NDNF: variants seen among roughly 807,000 people sequenced by gnomAD.
The protein encoded by NDNF is neuron derived neurotrophic factor, also known as protein NDNF.
NDNF carries 16 observed loss-of-function variants against 42.0 expected under a neutral mutation model. The ratio of observed to expected loss-of-function variants is 0.38; its 90% confidence interval spans 0.26 to 0.58. The LOEUF is 0.58. Among genes scored for constraint, NDNF ranks in the 20% least tolerant of loss-of-function variants. The probability of loss-of-function intolerance (pLI) is 0.67; values close to 1 mark genes in which losing one functional copy is unlikely to be tolerated. For missense variants in NDNF, 616 were observed against 666.2 expected, an observed-to-expected ratio of 0.92 and a Z score of 0.83; for synonymous variants, 248 against 251.7, an observed-to-expected ratio of 0.99 and a Z score of 0.14.
Position 121,037,579 on chromosome 4 carries a change from T to A in NDNF, c.392A>T (p.Asn131Ile), listed in dbSNP as rs373846047. Residue 131 changes from asparagine (N) to isoleucine (I), a missense_variant, in exon 4 of 4, where the codon AAT (asparagine) becomes ATT (isoleucine). Transcript: ENST00000379692. The stretch of plus-strand genomic sequence containing the variant: ...AGACGATATAAAATACTCAACATCA[T>A]TGCCTTTGTAGGAGAATAACTCAGT... ...EGTELFSYKG[N>I]DVEYFISSSS... The A allele has an allele frequency of 1.2e-6, 2 of 1,612,742 alleles. No individual in the cohort carries two copies. The highest frequency in any genetic ancestry group is 1.7e-6 in the Non-Finnish European group (2 of 1,179,792).
At chr4:121,041,450 C>A (rs566918325) in intron 2 of NDNF, among the ~76,000 whole-genome samples, 1 of 152,182 alleles carries the variant, frequency 6.6e-6, no homozygotes, top group African/African-American at 2.4e-5. Context: ...TTCCTTCTCA[C>A]CTCCCTGAAC....
chr4:121,056,692 A>C (rs1457178616), intron 1 of NDNF, among the ~76,000 whole-genome samples: 1 of 152,220 alleles, frequency 6.6e-6, no homozygotes, highest in Non-Finnish European at 1.5e-5. Context: ...TTCAACATTC[A>C]AAAGGTGTTT....
chr4:121,044,982 G>A (rs908115188), intron 2 of NDNF, among the ~76,000 whole-genome samples: 1 of 152,148 alleles, frequency 6.6e-6, no homozygotes, highest in Non-Finnish European at 1.5e-5. Flanking sequence ...AAAACTTAAT[G>A]CAAACTCTTG....
chr4:121,056,462 G>A (rs1727298268), intron 1 of NDNF, among the ~76,000 whole-genome samples: 1 of 152,184 alleles, frequency 6.6e-6, no homozygotes, highest in Admixed American at 6.5e-5. Context: ...ACTAAATACT[G>A]ATGGATCAAA....
Position 121,067,898 on chromosome 4 carries a change from G to A in NDNF, c.-2+4095C>T, listed in dbSNP as rs1727527800. 3.3e-5 allele frequency among the ~76,000 whole-genome samples: 5 copies of A among 152,262 alleles called. No homozygotes were observed. In the Middle Eastern group the frequency reaches 0.01, roughly 311 times the overall value. Reference sequence around the variant, plus strand: ...GAAAGGTGTGGATATTGCTTCTTTGGGTTGTGTGTTTAGGAAGGAAGCAGC... The same window carrying A: ...GAAAGGTGTGGATATTGCTTCTTTGAGTTGTGTGTTTAGGAAGGAAGCAGC... On this transcript the variant is annotated intron_variant, in intron 1 of 3. Coordinates refer to ENST00000379692, the MANE Select transcript of NDNF (RefSeq NM_024574.4).
chr4:121,037,440 G>A lies in NDNF; in HGVS notation c.531C>T (p.Pro177=). Residue 177 remains proline (P), a synonymous_variant, in exon 4 of 4, where the codon CCC becomes CCT. Transcript: ENST00000379692. Reference sequence around the variant, plus strand: ...AGGTCACATCTACTCTTGGGTCATAGGGTAACTCAGGGTATGGCTGATCAG... The same window carrying A: ...AGGTCACATCTACTCTTGGGTCATAAGGTAACTCAGGGTATGGCTGATCAG... ...PESDQPYPEL[P]YDPRVDVTSL... 6.2e-7 allele frequency: 1 copy of A among 1,614,124 alleles called. No individual in the cohort carries two copies. The highest frequency in any genetic ancestry group is 2.2e-5 in the East Asian group (1 of 44,878).
intron 1 of NDNF, among the ~76,000 whole-genome samples, chr4:121,046,600 T>C (rs1419123511): frequency 6.6e-6 from 1 of 152,228 alleles, no homozygotes; most frequent in Non-Finnish European, 1.5e-5. Flanking sequence ...TACACCTCTA[T>C]CATTTTAGAA....
intron 2 of NDNF, among the ~76,000 whole-genome samples, chr4:121,043,562 ATGT>A (rs1727040299): frequency 6.6e-6 from 1 of 152,196 alleles, no homozygotes; most frequent in Non-Finnish European, 1.5e-5. Context: ...AAAAGAGAAA[ATGT>A]TGTTTTATAA....
intron 1 of NDNF, among the ~76,000 whole-genome samples, chr4:121,068,907 A>G (rs1490234904): frequency 3.3e-5 from 5 of 152,252 alleles, no homozygotes; most frequent in African/African-American, 9.6e-5. Context: ...TACCAAAATG[A>G]TAAGTCCTAA....
Position 121,036,239 on chromosome 4 carries a change from A to G in NDNF, c.*25T>C. ...TTTAATGTCCCTCCTGGAGTTCTAC[A>G]TAATATATCTCTATAAGAAGGTAAC... is the stretch of plus-strand genomic sequence containing the variant. On this transcript the variant is annotated 3_prime_UTR_variant, in exon 4 of 4. Coordinates refer to ENST00000379692, the MANE Select transcript of NDNF (RefSeq NM_024574.4). The G allele has an allele frequency of 6.5e-7, 1 of 1,542,542 alleles. No individual in the cohort carries two copies. The highest frequency in any genetic ancestry group is 8.7e-7 in the Non-Finnish European group (1 of 1,144,204).
chr4:121,036,712 C>A lies in NDNF; in HGVS notation c.1259G>T (p.Arg420Leu), dbSNP rs201892645. ...TGCTCCTTTCTTGTTTCCTTTCAGTCGAACGAGGTATTTAGCTTTAGGTTT... is the reference window on the plus strand; with the variant it reads ...TGCTCCTTTCTTGTTTCCTTTCAGTAGAACGAGGTATTTAGCTTTAGGTTT... ...RGKPKAKYLV[R>L]LKGNKKGASM... Residue 420 changes from arginine to leucine, a missense_variant, in exon 4 of 4, where the codon CGA becomes CTA. Arg to Leu is a moderately radical substitution (Grantham distance 102, BLOSUM62 -2). Transcript: ENST00000379692. 7 of 1,613,938 alleles carry A rather than the reference C, an allele frequency of 4.3e-6. No homozygotes were observed. Among genetic ancestry groups the A allele is most frequent in the Non-Finnish European group, 2.5e-6 (3 of 1,180,022 alleles).
chr4:121,059,916 C>T (rs888930476), intron 1 of NDNF, among the ~76,000 whole-genome samples: 2 of 152,074 alleles, frequency 1.3e-5, no homozygotes, highest in Non-Finnish European at 2.9e-5. Flanking sequence ...CTTCCAATCT[C>T]GTGATTCTCC....
At chr4:121,054,625 G>A (rs142041353) in intron 1 of NDNF, among the ~76,000 whole-genome samples, 2 of 152,308 alleles carry the variant, frequency 1.3e-5, no homozygotes, top group African/African-American at 4.8e-5. Context: ...GCAAATAAAT[G>A]TCAGGAGAAA....
chr4:121,050,238 T>C (rs551884016), intron 1 of NDNF, among the ~76,000 whole-genome samples: 1 of 152,318 alleles, frequency 6.6e-6, no homozygotes, highest in African/African-American at 2.4e-5. Context: ...TAAGAATTAG[T>C]CATTGAGAAT....
intron 1 of NDNF, among the ~76,000 whole-genome samples, chr4:121,068,068 A>G (rs1412035392): frequency 6.6e-6 from 1 of 152,252 alleles, no homozygotes; most frequent in Non-Finnish European, 1.5e-5. Context: ...CAACAAAAAT[A>G]TAACTGAGTT....
At chr4:121,065,220 T>C (rs1467825753) in intron 1 of NDNF, among the ~76,000 whole-genome samples, 1 of 152,150 alleles carries the variant, frequency 6.6e-6, no homozygotes, top group Non-Finnish European at 1.5e-5. Flanking sequence ...ATTGATATAG[T>C]ATTAAGTAAT....
chr4:121,052,372 A>G (rs971039847), intron 1 of NDNF, among the ~76,000 whole-genome samples: 1 of 152,268 alleles, frequency 6.6e-6, no homozygotes, highest in African/African-American at 2.4e-5. Context: ...AAGCAAATGT[A>G]TAGAGAATAA....
chr4:121,065,787 T>A (rs1727490263), intron 1 of NDNF, among the ~76,000 whole-genome samples: 1 of 151,940 alleles, frequency 6.6e-6, no homozygotes, highest in African/African-American at 2.4e-5. Flanking sequence ...AAATAACCCC[T>A]TCTAAAATGT....
intron 3 of NDNF, among the ~76,000 whole-genome samples, chr4:121,039,222 A>AAACACTATG (rs1449175085): frequency 9.8e-6 from 1 of 101,868 alleles, no homozygotes; most frequent in Non-Finnish European, 2.0e-5. Context: ...ATATATATAT[A>AAACACTATG]TATATATATA....
Sources: allele counts gnomAD v4.1 joint callset (sites outside exome capture counted in the v4.1 genomes callset), GRCh38; gene constraint gnomAD v4.1.1; transcripts MANE v1.5; gene names NCBI Gene and HGNC (gene_info 2026-07-23, HGNC 2026-07-21).